The following SCN2A variants were observed in gnomAD, a reference collection of about 807,000 sequenced individuals.
SCN2A encodes sodium channel protein type 2 subunit alpha.
SCN2A carries 20 observed loss-of-function variants against 188.7 expected under a neutral mutation model. That is an observed-to-expected ratio of 0.11 (90% CI 0.07 to 0.15). SCN2A has a LOEUF of 0.15. SCN2A is among the 10% of genes least tolerant of loss of function. The pLI is 1.00. For synonymous variants in SCN2A, 804 were observed against 833.1 expected, an observed-to-expected ratio of 0.97 and a Z score of 0.60; for missense variants, 1,278 against 2,445.0, an observed-to-expected ratio of 0.52 and a Z score of 10.07.
chr2:165,390,004 T>A lies in SCN2A; in HGVS notation c.*180T>A. Reference sequence around the variant, plus strand: ...CTCTGGTCAGCAAACTGGAACTCAGTAAACTGGAGAAATAGTATCGATGGG... The same window carrying A: ...CTCTGGTCAGCAAACTGGAACTCAGAAAACTGGAGAAATAGTATCGATGGG... On this transcript the variant is annotated 3_prime_UTR_variant, in exon 27 of 27. Transcript: ENST00000375437. 2.1e-6 allele frequency: 2 copies of A among 953,740 alleles called. No individual in the cohort carries two copies. Among genetic ancestry groups the A allele is most frequent in the Non-Finnish European group, 3.0e-6 (2 of 664,728 alleles). 59.1% of individuals were successfully genotyped at this position (953,740 alleles called of 1,614,324 possible). A position where few individuals can be genotyped will look rare whatever the true frequency, so the allele number is the denominator to read the frequency against.
chr2:165,343,265 T>C (rs1232579070), intron 15 of SCN2A, among the ~76,000 whole-genome samples: 1 of 152,196 alleles, frequency 6.6e-6, no homozygotes, highest in Non-Finnish European at 1.5e-5. Context: ...TTTCATGAAA[T>C]CTGTTTACAA....
chr2:165,373,816 C>G (rs553465626), intron 21 of SCN2A, among the ~76,000 whole-genome samples: 5 of 152,116 alleles, frequency 3.3e-5, no homozygotes, highest in African/African-American at 1.2e-4. Context: ...GGAAATCTAA[C>G]GCTCATTTAG....
intron 18 of SCN2A, 39 bp downstream of exon 18, chr2:165,365,302 C>A: frequency 6.2e-7 from 1 of 1,610,492 alleles, no homozygotes; most frequent in South Asian, 1.1e-5. Flanking sequence ...TGAGTATCCT[C>A]TTTTCTACCC....
At chr2:165,330,170 AAAGTGACTGACTAGAGTC>A (rs1374314767) in intron 13 of SCN2A, among the ~76,000 whole-genome samples, 1 of 152,198 alleles carries the variant, frequency 6.6e-6, no homozygotes, top group Non-Finnish European at 1.5e-5. Flanking sequence ...CAATAGTATT[AAAGTGACTGACTAGAGTC>A]AACTATGCCA....
chr2:165,331,595 C>T, intron 14 of SCN2A, 27 bp downstream of exon 14: 6 of 1,543,720 alleles, frequency 3.9e-6, no homozygotes, highest in Non-Finnish European at 4.5e-6. Flanking sequence ...GTTTCTCTTC[C>T]TCTTGAAAGA....
chr2:165,371,915 T>A (rs1281732955), intron 20 of SCN2A: 1 of 152,208 alleles, frequency 6.6e-6, no homozygotes. Context: ...AAGGCCTATA[T>A]GTATCTTCTT....
At chr2:165,341,335 T>C (rs1699306693) in intron 14 of SCN2A, among the ~76,000 whole-genome samples, 1 of 151,728 alleles carries the variant, frequency 6.6e-6, no homozygotes, top group African/African-American at 2.4e-5. Context: ...CCTCGTGATC[T>C]GCCCACCTCG....
intron 20 of SCN2A, 121 bp from the exon 21 acceptor site, chr2:165,373,104 C>T (rs1701129326): frequency 1.0e-5 from 11 of 1,073,170 alleles, no homozygotes; most frequent in Non-Finnish European, 1.6e-5. Flanking sequence ...TAACAAGACC[C>T]CTGGGTGATT....
Position 165,390,941 on chromosome 2 carries a change from G to C in SCN2A, c.*1117G>C, listed in dbSNP as rs1018660985. ...GCTTTGTAAATAGTAATTTTACCCA[G>C]TGGTGCATGTTTGAGCAAACAAAAA... On this transcript the variant is annotated 3_prime_UTR_variant, in exon 27 of 27. Transcript: ENST00000375437. 1 of 152,516 alleles carries C rather than the reference G, an allele frequency of 6.6e-6. No individual in the cohort carries two copies. 9.4% of individuals were successfully genotyped at this position (152,516 alleles called of 1,614,324 possible).
At chr2:165,342,197 GAATTT>G (rs1559375039) in intron 14 of SCN2A, 94 bp from the exon 15 acceptor site, 4 of 1,192,236 alleles carry the variant, frequency 3.4e-6, no homozygotes, top group Non-Finnish European at 4.9e-6. Context: ...TTTAAAATCA[GAATTT>G]AATTTATATT....
chr2:165,273,683 T>C (rs1695201024), intron 1 of SCN2A: 1 of 152,186 alleles, frequency 6.6e-6, no homozygotes, highest in Non-Finnish European at 1.5e-5. Context: ...TTTCAAAAAA[T>C]GTATGAGTCA....
At position 165,247,326 on chromosome 2, in the gene SCN2A, G is replaced by A. The variant is rs181219210; in HGVS notation, c.-52+7686G>A. ...GTCTTTGCAATAATACTTAATGAAA[G>A]TGTTTGCTGTATTCTCTGTATCTAT... On this transcript the variant is annotated intron_variant, in intron 1 of 26. Transcript: ENST00000375437. Among the ~76,000 whole-genome samples, 383 of 152,002 alleles carry A rather than the reference G, an allele frequency of 2.5e-3. 2 individuals carry two copies. Among genetic ancestry groups the A allele is most frequent in the African/African-American group, 8.7e-3 (361 of 41,460 alleles).
intron 14 of SCN2A, among the ~76,000 whole-genome samples, chr2:165,333,978 T>A: frequency 6.7e-6 from 1 of 148,536 alleles, no homozygotes; most frequent in African/African-American, 2.5e-5. Flanking sequence ...GCATAAGAAA[T>A]AAAATAAAAT....
At chr2:165,291,490 C>CTTTCTTTCT (rs1265345470) in intron 1 of SCN2A, among the ~76,000 whole-genome samples, 73 of 22,328 alleles carry the variant, frequency 3.3e-3, no homozygotes, top group South Asian at 9.3e-3. Context: ...TTCTTTCTTT[C>CTTTCTTTCT]TTTTCTTTCT....
At chr2:165,254,927 T>C (rs1277309216) in intron 1 of SCN2A, among the ~76,000 whole-genome samples, 1 of 151,826 alleles carries the variant, frequency 6.6e-6, no homozygotes, top group East Asian at 1.9e-4. Flanking sequence ...ATGTTTTCTC[T>C]CTAATAACAT....
intron 13 of SCN2A, among the ~76,000 whole-genome samples, chr2:165,329,284 A>C (rs944469940): frequency 6.6e-6 from 1 of 152,118 alleles, no homozygotes; most frequent in Non-Finnish European, 1.5e-5. Context: ...ATCACATAGA[A>C]ATGTTTTCTG....
chr2:165,378,053 G>A (rs1228336490), intron 23 of SCN2A, among the ~76,000 whole-genome samples: 4 of 151,516 alleles, frequency 2.6e-5, no homozygotes, highest in Non-Finnish European at 4.4e-5. Context: ...GACTAAAAAC[G>A]GGGACAAAAA....
intron 25 of SCN2A, among the ~76,000 whole-genome samples, chr2:165,386,445 C>T (rs1188654334): frequency 6.6e-6 from 1 of 151,548 alleles, no homozygotes; most frequent in African/African-American, 2.4e-5. Context: ...ACCTGTGCAA[C>T]AGAGCGAGAC....
chr2:165,313,053 C>T lies in SCN2A; in HGVS notation c.1035-567C>T, dbSNP rs1187756572. On this transcript the variant is annotated intron_variant, in intron 8 of 26. Transcript: ENST00000375437. Reference sequence around the variant, plus strand: ...TTGTGAGACAGGTTCTCTTATTAGCCCATTCTCACATGCGAGGTGCCTGAA... The same window carrying T: ...TTGTGAGACAGGTTCTCTTATTAGCTCATTCTCACATGCGAGGTGCCTGAA... Among the ~76,000 whole-genome samples, 3 of 152,020 alleles carry T rather than the reference C, an allele frequency of 2.0e-5. No homozygotes were observed. In the East Asian group the frequency reaches 5.8e-4, roughly 29 times the overall value.
Sources: gnomAD v4.1 joint callset for allele counts (sites outside exome capture counted in the v4.1 genomes callset) on GRCh38, gnomAD v4.1.1 for gene constraint, MANE v1.5 for transcripts, NCBI Gene and HGNC (gene_info 2026-07-23, HGNC 2026-07-21) for gene names.